The following PRPF39 variants were observed in gnomAD, a reference collection of about 807,000 sequenced individuals.
PRPF39 encodes pre-mRNA-processing factor 39.
A neutral mutation model predicts 82.1 loss-of-function variants in PRPF39; 27 were observed. The observed-to-expected ratio is 0.33, with a 90% CI of 0.24 to 0.45. PRPF39 has a LOEUF of 0.45. Among genes scored for constraint, PRPF39 ranks in the 20% least tolerant of loss-of-function variants. The pLI, the probability that PRPF39 is intolerant of heterozygous loss-of-function variation, is 1.00. For missense variants in PRPF39, 581 were observed against 796.9 expected, an observed-to-expected ratio of 0.73 and a Z score of 3.26; for synonymous variants, 261 against 256.4, an observed-to-expected ratio of 1.02 and a Z score of -0.17.
intron 7 of PRPF39, 22 bp downstream of exon 7, chr14:45,108,544 T>C (rs1884606937): frequency 6.4e-7 from 1 of 1,572,304 alleles, no homozygotes; most frequent in Admixed American, 2.1e-5. Flanking sequence ...TGTTTTGTAA[T>C]AGTCTTTAAA....
At chr14:45,107,184 C>T (rs1231852650) in intron 5 of PRPF39, among the ~76,000 whole-genome samples, 2 of 152,082 alleles carry the variant, frequency 1.3e-5, no homozygotes, top group South Asian at 2.1e-4. Flanking sequence ...ACAGACAGAA[C>T]TGAGGTTTGA....
intron 1 of PRPF39, among the ~76,000 whole-genome samples, chr14:45,094,108 CT>C: frequency 6.6e-6 from 1 of 150,764 alleles, no homozygotes; most frequent in African/African-American, 2.5e-5. Flanking sequence ...TTTTAATTAA[CT>C]ACTATTAATA....
chr14:45,109,438 ATTTG>A (rs1001255531), intron 7 of PRPF39, among the ~76,000 whole-genome samples, 174 bp from the exon 8 acceptor site: 3 of 149,468 alleles, frequency 2.0e-5, no homozygotes, highest in Admixed American at 2.0e-4. Flanking sequence ...GTATTATTTC[ATTTG>A]TTTGTAAAGC....
chr14:45,110,799 A>G lies in PRPF39; in HGVS notation c.1554A>G (p.Glu518=), dbSNP rs1426504006. Residue 518 remains glutamate (E), a synonymous_variant, in exon 10 of 14, where the codon GAA becomes GAG. Transcript: ENST00000355765. The surrounding 1 kb of genome is among the most constrained non-coding windows in gnomAD (Gnocchi z 4.0). ...NLPKSRKVLL[E]AIERDKENTK... The stretch of plus-strand genomic sequence containing the variant: ...CAAAATCAAGAAAGGTGCTTTTGGA[A>G]GCAATCGAAAGAGACAAAGTATGCA... 4.5e-6 allele frequency: 7 copies of G among 1,551,494 alleles called. 1 individual carries two copies. In the South Asian group the frequency reaches 8.3e-5, roughly 18 times the overall value.
chr14:45,114,611 T>C lies in PRPF39; in HGVS notation c.1950T>C (p.Tyr650=), dbSNP rs1027406144. The change falls in exon 13 of 14, where the codon TAT becomes TAC. Residue 650 remains tyrosine, a synonymous_variant. Transcript: ENST00000355765. ...NQAVYNYSAW[Y]QYNYQNPWNY... Reference sequence around the variant, plus strand: ...CTGTATATAATTATAGTGCGTGGTATCAAGTGAGTCTGCATAATTATAATT... The same window carrying C: ...CTGTATATAATTATAGTGCGTGGTACCAAGTGAGTCTGCATAATTATAATT... 5 of 1,607,108 alleles carry C rather than the reference T, an allele frequency of 3.1e-6. No individual in the cohort carries two copies. The African/African-American group carries it at 5.4e-5, about 17-fold the overall frequency.
chr14:45,095,263 A>G lies in PRPF39; in HGVS notation c.24A>G (p.Glu8=). ...ATATGCAAAATTCTCACATGGATGA[A>G]TACAGAAATTCTAGTAATGGCAGCA... MQNSHMD[E]YRNSSNGSTG... is the part of the protein sequence containing the mutation. The change falls in exon 2 of 14, where the codon GAA becomes GAG. Residue 8 remains glutamate, a synonymous_variant. Transcript: ENST00000355765. 1.2e-6 allele frequency: 2 copies of G among 1,601,592 alleles called. No homozygotes were observed. The highest frequency in any genetic ancestry group is 1.7e-6 in the Non-Finnish European group (2 of 1,170,354).
intron 1 of PRPF39, among the ~76,000 whole-genome samples, chr14:45,087,091 G>C (rs1401857787): frequency 2.0e-5 from 3 of 152,068 alleles, no homozygotes; most frequent in Non-Finnish European, 4.4e-5. Flanking sequence ...AGTGTGAATG[G>C]AAAGAAGGGG....
chr14:45,102,432 A>G, intron 4 of PRPF39, 97 bp from the exon 5 acceptor site: 1 of 1,058,498 alleles, frequency 9.4e-7, no homozygotes, highest in Non-Finnish European at 1.3e-6. Flanking sequence ...AGTTGAATAT[A>G]ATTTTTGAAG....
intron 5 of PRPF39, among the ~76,000 whole-genome samples, chr14:45,106,807 G>A (rs961509071): frequency 1.3e-5 from 2 of 152,158 alleles, no homozygotes; most frequent in African/African-American, 4.8e-5. Flanking sequence ...GGGCAGGTAA[G>A]AAGGGGAATA....
intron 13 of PRPF39, 81 bp from the exon 14 acceptor site, chr14:45,114,776 C>T: frequency 7.1e-7 from 1 of 1,402,020 alleles, no homozygotes; most frequent in Non-Finnish European, 9.9e-7. Flanking sequence ...TTTTCTTAAA[C>T]ATAGCTGCTT....
In PRPF39 at chr14:45,096,983, G is replaced by T; in HGVS notation, c.547G>T (p.Glu183Ter). The T allele has an allele frequency of 6.5e-7, 1 of 1,547,596 alleles. No individual in the cohort carries two copies. Among genetic ancestry groups the T allele is most frequent in the African/African-American group, 1.4e-5 (1 of 72,790 alleles). ...AGAAACATTGGACCCTGGTGATCCT[G>T]AGACAAACAATACAATAAGAGGGTA... ...LKETLDPGDP[E>*]TNNTIRGTFE... Residue 183 changes from glutamate to a stop codon, truncating the protein, a stop_gained, in exon 4 of 14, where the codon GAG becomes TAG. Transcript: ENST00000355765. LOFTEE classifies it high-confidence loss of function.
intron 11 of PRPF39, 90 bp downstream of exon 11, chr14:45,112,592 T>C (rs1053369203): frequency 2.5e-6 from 3 of 1,202,748 alleles, no homozygotes; most frequent in African/African-American, 1.6e-5. Flanking sequence ...GATTAATACA[T>C]TGTTAAATTT....
At position 45,110,642 on chromosome 14, in the gene PRPF39, G is replaced by A. The variant is rs1443316990; in HGVS notation, c.1397G>A (p.Arg466Gln). Residue 466 changes from arginine (R) to glutamine (Q), a missense_variant, in exon 10 of 14, where the codon CGA (arginine) becomes CAA (glutamine). Coordinates refer to ENST00000355765, the MANE Select transcript of PRPF39 (RefSeq NM_017922.4). The surrounding 1 kb of genome is among the most constrained non-coding windows in gnomAD (Gnocchi z 4.0). ...MVRLRRVSLE[R>Q]RHGNLEEAEH... ...CGTTTACGAAGAGTAAGTTTAGAAC[G>A]ACGGCATGGAAATCTGGAAGAAGCT... 1.9e-6 allele frequency: 3 copies of A among 1,575,864 alleles called. No homozygotes were observed. The highest frequency in any genetic ancestry group is 1.2e-5 in the South Asian group (1 of 85,956).
chr14:45,112,263 C>T, intron 10 of PRPF39, 55 bp from the exon 11 acceptor site: 1 of 1,374,038 alleles, frequency 7.3e-7, no homozygotes, highest in Non-Finnish European at 9.7e-7. Flanking sequence ...TTTTAAATAT[C>T]TGTGCTCTAA....
At chr14:45,092,819 C>G (rs1024152619) in intron 1 of PRPF39, among the ~76,000 whole-genome samples, 7 of 151,948 alleles carry the variant, frequency 4.6e-5, no homozygotes, top group African/African-American at 1.7e-4. Flanking sequence ...AAACAGCTTA[C>G]TAGTTGACTT....
At chr14:45,096,012 A>AT in intron 2 of PRPF39, 91 bp from the exon 3 acceptor site, 1 of 1,186,042 alleles carries the variant, frequency 8.4e-7, no homozygotes, top group Non-Finnish European at 1.2e-6. Context: ...ATTTATTATT[A>AT]TTTTTTTAGA....
At chr14:45,098,708 C>T (rs1350160144) in intron 4 of PRPF39, among the ~76,000 whole-genome samples, 4 of 152,124 alleles carry the variant, frequency 2.6e-5, no homozygotes, top group Non-Finnish European at 5.9e-5. Context: ...TGAGCTGTCT[C>T]CTGGAAACCT....
intron 1 of PRPF39, among the ~76,000 whole-genome samples, chr14:45,089,083 AC>A (rs1463987535): frequency 6.6e-6 from 1 of 152,184 alleles, no homozygotes; most frequent in Non-Finnish European, 1.5e-5. Flanking sequence ...CCTTTTATGC[AC>A]AAAAGCTTTT....
intron 1 of PRPF39, among the ~76,000 whole-genome samples, chr14:45,090,071 A>G (rs887194981): frequency 1.6e-4 from 25 of 152,304 alleles, no homozygotes; most frequent in African/African-American, 5.8e-4. Flanking sequence ...CTAGTTAATG[A>G]CTCAGAATGT....
Sources: allele counts gnomAD v4.1 joint callset (sites outside exome capture counted in the v4.1 genomes callset), GRCh38; gene constraint gnomAD v4.1.1; non-coding constraint Gnocchi (gnomAD v3.1); transcripts MANE v1.5; gene names NCBI Gene and HGNC (gene_info 2026-07-23, HGNC 2026-07-21).